The following USP37 variants were observed in gnomAD, a reference collection of about 807,000 sequenced individuals.
The protein encoded by USP37 is ubiquitin specific peptidase 37.
In USP37, 27 loss-of-function variants were observed where a neutral mutation model predicts 124.0. The ratio of observed to expected loss-of-function variants is 0.22; its 90% confidence interval spans 0.16 to 0.30. The LOEUF (loss-of-function observed/expected upper bound fraction) is 0.30. Ranked by LOEUF, USP37 falls within the 10% of genes least tolerant of loss-of-function variation. The pLI is 1.00. For synonymous variants in USP37, 365 were observed against 388.0 expected, an observed-to-expected ratio of 0.94 and a Z score of 0.70; for missense variants, 889 against 1,140.4, an observed-to-expected ratio of 0.78 and a Z score of 3.17.
chr2:218,472,583 C>T (rs1690755166), intron 20 of USP37, among the ~76,000 whole-genome samples: 1 of 152,020 alleles, frequency 6.6e-6, no homozygotes, highest in Admixed American at 6.6e-5. Flanking sequence ...TCTTCTGCCT[C>T]AGCCTCCCAA....
In USP37 at chr2:218,459,211, T is replaced by C. The variant is rs530262026; in HGVS notation, c.2643+579A>G. On this transcript the variant is annotated intron_variant, in intron 23 of 25. Transcript: ENST00000258399. ...ATTCAGTGTAACTAAAGGTAATTTT[T>C]TCCCCCCGAGATGGAGTTTCGCTCT... 2.6e-5 allele frequency among the ~76,000 whole-genome samples: 4 copies of C among 152,238 alleles called. No individual in the cohort carries two copies. In the East Asian group the frequency reaches 7.7e-4, roughly 29 times the overall value.
At chr2:218,479,551 A>C in intron 18 of USP37, 99 bp downstream of exon 18, 1 of 1,008,210 alleles carries the variant, frequency 9.9e-7, no homozygotes, top group East Asian at 2.6e-5. Flanking sequence ...ATCATGCAAA[A>C]AGAAAAACAA....
At chr2:218,468,718 G>A (rs772332737) in intron 20 of USP37, among the ~76,000 whole-genome samples, 3 of 151,770 alleles carry the variant, frequency 2.0e-5, no homozygotes, top group Non-Finnish European at 4.4e-5. Context: ...TTTTGAGACC[G>A]ACTCTCACTC....
rs1226073534 is a variant in USP37, at chr2:218,450,823, G to A, written c.*4107C>T. ...TCTGTACTTTTAAGAAAAGTCCAAT[G>A]TTACAAAATCAAATGCTTATATTCA... is the stretch of plus-strand genomic sequence containing the variant. On this transcript the variant is annotated 3_prime_UTR_variant, in exon 26 of 26. Transcript: ENST00000258399. 6.6e-6 allele frequency: 1 copy of A among 152,138 alleles called. No homozygotes were observed. The highest frequency in any genetic ancestry group is 2.4e-5 in the African/African-American group (1 of 41,420). The allele number at this position is 152,138 out of a possible 1,614,324, so 9.4% of individuals were successfully genotyped here.
intron 22 of USP37, 138 bp from the exon 23 acceptor site, chr2:218,460,043 C>A: frequency 6.3e-6 from 2 of 318,000 alleles, no homozygotes; most frequent in South Asian, 4.3e-5. Flanking sequence ...CCAGCCTGAC[C>A]AACATGGTCA....
chr2:218,499,223 G>A (rs528093647), intron 11 of USP37, among the ~76,000 whole-genome samples: 44 of 152,234 alleles, frequency 2.9e-4, no homozygotes, highest in African/African-American at 1.0e-3. Flanking sequence ...GCAGTAAGCT[G>A]AGATCACGCC....
intron 8 of USP37, among the ~76,000 whole-genome samples, chr2:218,540,020 CT>C (rs1024058107): frequency 1.3e-5 from 2 of 151,300 alleles, no homozygotes; most frequent in Non-Finnish European, 2.9e-5. Flanking sequence ...AAAAAAAAAT[CT>C]TTTTTTTTAT....
In USP37 at chr2:218,474,843, C is replaced by G; in HGVS notation, c.2086G>C (p.Glu696Gln). 1.9e-6 allele frequency: 3 copies of G among 1,614,044 alleles called. No individual in the cohort carries two copies. In the South Asian group the frequency reaches 3.3e-5, roughly 18 times the overall value. The change falls in exon 20 of 26, where the codon GAA (glutamate) becomes CAA (glutamine). Residue 696 changes from glutamate to glutamine, a missense_variant. By Grantham distance (29) the Glu-to-Gln change is conservative (BLOSUM62 2). This residue lies in a region of USP37 where 504 missense variants were observed against 714.3 expected (regional missense o/e 0.71). Coordinates refer to ENST00000258399, the MANE Select transcript of USP37 (RefSeq NM_020935.3). ...CPIEPDKSEL[E>Q]NSGFDRMSEE... Reference sequence around the variant, plus strand: ...CTCATTCTGTCAAATCCTGAGTTTTCCAATTCAGACTTGTCAGGCTCTATT... The same window carrying G: ...CTCATTCTGTCAAATCCTGAGTTTTGCAATTCAGACTTGTCAGGCTCTATT...
intron 21 of USP37, among the ~76,000 whole-genome samples, chr2:218,465,092 G>A (rs1243039159): frequency 6.6e-6 from 1 of 151,574 alleles, no homozygotes; most frequent in Non-Finnish European, 1.5e-5. Flanking sequence ...AAATAAACAG[G>A]AAGACAGATA....
intron 20 of USP37, among the ~76,000 whole-genome samples, chr2:218,468,018 G>A (rs765973039): frequency 2.2e-4 from 33 of 151,394 alleles, no homozygotes; most frequent in Non-Finnish European, 3.8e-4. Context: ...CTCCCGAGTA[G>A]CTGGGATTAC....
At chr2:218,481,579 T>C (rs1195352266) in intron 17 of USP37, among the ~76,000 whole-genome samples, 1 of 152,110 alleles carries the variant, frequency 6.6e-6, no homozygotes, top group Non-Finnish European at 1.5e-5. Context: ...TTTGGAAAAA[T>C]TTTAAGCATT....
chr2:218,467,462 C>T (rs1254648797), intron 20 of USP37, among the ~76,000 whole-genome samples: 1 of 152,090 alleles, frequency 6.6e-6, no homozygotes, highest in Non-Finnish European at 1.5e-5. Flanking sequence ...GATTCTCCTG[C>T]TTCAGCCTTC....
chr2:218,468,620 ACCTTTATATACTCATGCTATAC>A (rs1174456438), intron 20 of USP37, among the ~76,000 whole-genome samples: 4 of 152,176 alleles, frequency 2.6e-5, no homozygotes, highest in African/African-American at 7.2e-5. Context: ...AACGAGAATT[ACCTTTATATACTCATGCTATAC>A]ATACTGTTAT....
At chr2:218,564,254 A>T (rs1693466192) in intron 1 of USP37, among the ~76,000 whole-genome samples, 1 of 152,198 alleles carries the variant, frequency 6.6e-6, no homozygotes, top group Admixed American at 6.5e-5. Context: ...TTTATTATGC[A>T]ACCCAACATT....
At chr2:218,528,545 C>T (rs1691109049) in intron 10 of USP37, 1 of 354,780 alleles carries the variant, frequency 2.8e-6, no homozygotes, top group Non-Finnish European at 5.0e-6. Context: ...GTTCCTGTGT[C>T]AGTTTGCTGA....
intron 9 of USP37, among the ~76,000 whole-genome samples, chr2:218,530,385 G>A (rs765968513): frequency 2.0e-5 from 3 of 152,102 alleles, no homozygotes; most frequent in Non-Finnish European, 4.4e-5. Context: ...CTATTACAGT[G>A]ATCTGCGATC....
intron 21 of USP37, 78 bp from the exon 22 acceptor site, chr2:218,463,444 C>A (rs1690136185): frequency 7.6e-7 from 1 of 1,322,798 alleles, no homozygotes; most frequent in African/African-American, 1.5e-5. Context: ...AAATCAGTTT[C>A]TCTGGAAGCA....
chr2:218,484,105 G>C (rs112349600), intron 16 of USP37, among the ~76,000 whole-genome samples: 5,672 of 151,970 alleles, frequency 0.037, 164 homozygotes, highest in South Asian at 0.075. Flanking sequence ...GTTGCAGTGA[G>C]CCGAGATCAT....
At position 218,450,494 on chromosome 2, in the gene USP37, A is replaced by G. The variant is rs1298853702; in HGVS notation, c.*4436T>C. The stretch of plus-strand genomic sequence containing the variant: ...TGCCAGAAAACCTGGTAGTGGCTCA[A>G]TTAGGCAAAGTGTAGGAATCTCATT... On this transcript the variant is annotated 3_prime_UTR_variant, in exon 26 of 26. Transcript: ENST00000258399. 6.6e-6 allele frequency: 1 copy of G among 152,670 alleles called. No individual in the cohort carries two copies. The allele number at this position is 152,670 out of a possible 1,614,324, so 9.5% of individuals were successfully genotyped here.
Sources: allele counts gnomAD v4.1 joint callset (sites outside exome capture counted in the v4.1 genomes callset), GRCh38; gene constraint gnomAD v4.1.1; regional missense constraint gnomAD v4.1.1; transcripts MANE v1.5; gene names NCBI Gene and HGNC (gene_info 2026-07-23, HGNC 2026-07-21).